PARD3B: variants seen among roughly 807,000 people sequenced by gnomAD.
PARD3B encodes par-3 family cell polarity regulator beta, also known as partitioning defective 3 homolog B.
A neutral mutation model predicts 130.2 loss-of-function variants in PARD3B; 103 were observed. That is an observed-to-expected ratio of 0.79 (90% CI 0.67 to 0.93). The LOEUF (loss-of-function observed/expected upper bound fraction) is 0.93, where lower values mean the gene tolerates loss of function less well. Among genes scored for constraint, PARD3B ranks in the 40% least tolerant of loss-of-function variants. The pLI is 0.00. For missense variants in PARD3B, 1,609 were observed against 1,499.2 expected (o/e 1.07, Z -1.21); for synonymous variants, 583 against 553.2 (o/e 1.05, Z -0.76).
rs1251064061 is a variant in PARD3B at position 205,078,812 on chromosome 2, T to C, written c.505-25614T>C. On this transcript the variant is annotated intron_variant, in intron 4 of 22. Coordinates refer to ENST00000406610, the MANE Select transcript of PARD3B (RefSeq NM_001302769.2). The surrounding 1 kb of genome is among the most constrained non-coding windows in gnomAD (Gnocchi z 4.0). The stretch of plus-strand genomic sequence containing the variant: ...GGCATTTGCTCTGGGACAAGCCAGA[T>C]GCCATGTAAGAAAGTCCATTTCTCT... 1.3e-5 allele frequency among the ~76,000 whole-genome samples: 2 copies of C among 152,244 alleles called. No individual in the cohort carries two copies. The highest frequency in any genetic ancestry group is 3.9e-4 in the East Asian group (2 of 5,194).
intron 2 of PARD3B, among the ~76,000 whole-genome samples, chr2:204,725,265 G>A (rs549509229): frequency 1.3e-5 from 2 of 152,176 alleles, no homozygotes; most frequent in Non-Finnish European, 2.9e-5. Flanking sequence ...GAGAATGTTA[G>A]AGAATAAGAT....
At chr2:205,570,457 G>T (rs2053522225) in intron 22 of PARD3B, among the ~76,000 whole-genome samples, 1 of 152,304 alleles carries the variant, frequency 6.6e-6, no homozygotes, top group South Asian at 2.1e-4. Context: ...CCATACAGTA[G>T]TTTATTGTGT....
intron 2 of PARD3B, among the ~76,000 whole-genome samples, chr2:204,855,397 C>A (rs1434069375): frequency 1.3e-5 from 2 of 151,818 alleles, no homozygotes; most frequent in African/African-American, 4.8e-5. Flanking sequence ...CAAAAATTAG[C>A]TGGGTGTGGT....
chr2:204,930,478 A>G (rs74964061), intron 2 of PARD3B, among the ~76,000 whole-genome samples: 3,474 of 151,978 alleles, frequency 0.023, 55 homozygotes, highest in Non-Finnish European at 0.036. Flanking sequence ...TTGGTCTGCA[A>G]TTGGTTGAAT....
chr2:205,157,261 T>G (rs1268318591), intron 10 of PARD3B, among the ~76,000 whole-genome samples: 1 of 152,200 alleles, frequency 6.6e-6, no homozygotes, highest in Admixed American at 6.5e-5. Flanking sequence ...TAGTTTACAT[T>G]TAGTACGAAA....
At position 205,615,473 on chromosome 2, in the gene PARD3B, C is replaced by T. The variant is rs200703600; in HGVS notation, c.3278C>T (p.Pro1093Leu). 367 of 1,607,694 alleles carry T rather than the reference C, an allele frequency of 2.3e-4. 1 individual carries two copies. The highest frequency in any genetic ancestry group is 3.4e-4 in the Admixed American group (20 of 59,436). ...CTTTCCAGGGGAGGACCCGCAGATC[C>T]TGTAGACTATCTGCCAGCAGCACCT... ...ASLPRGGPAD[P>L]VDYLPAAPRG... Residue 1093 changes from proline (P) to leucine (L), a missense_variant, in exon 23 of 23, where the codon CCT (proline) becomes CTT (leucine). Pro to Leu is a moderately conservative substitution (Grantham distance 98). Transcript: ENST00000406610.
At chr2:204,971,744 G>C (rs1282241381) in intron 3 of PARD3B, among the ~76,000 whole-genome samples, 1 of 151,716 alleles carries the variant, frequency 6.6e-6, no homozygotes, top group East Asian at 1.9e-4. Flanking sequence ...TTGCTTTCTG[G>C]TGTGACTATA....
Position 205,015,819 on chromosome 2 carries a change from T to C in PARD3B, c.395-31762T>C, listed in dbSNP as rs1206800466. On this transcript the variant is annotated intron_variant, in intron 3 of 22. Transcript: ENST00000406610. The surrounding 1 kb of genome is among the most constrained non-coding windows in gnomAD (Gnocchi z 4.5). ...TGGCACACAGCTGTTCAATGAGTTATGAGTGAATGAATGAAAGAATGGGTT... is the reference window on the plus strand; with the variant it reads ...TGGCACACAGCTGTTCAATGAGTTACGAGTGAATGAATGAAAGAATGGGTT... Among the ~76,000 whole-genome samples the C allele has an allele frequency of 3.3e-5, 5 of 152,190 alleles. No homozygotes were observed. Among genetic ancestry groups the C allele is most frequent in the African/African-American group, 9.6e-5 (4 of 41,454 alleles).
intron 2 of PARD3B, among the ~76,000 whole-genome samples, chr2:204,852,939 T>C (rs543971475): frequency 6.6e-6 from 1 of 152,272 alleles, no homozygotes; most frequent in African/African-American, 2.4e-5. Context: ...GGTCCTAAGT[T>C]ATTATATGGT....
chr2:205,383,130 AGATAGATAGATC>A (rs79378506), intron 18 of PARD3B, among the ~76,000 whole-genome samples: 2,318 of 146,042 alleles, frequency 0.016, 46 homozygotes, highest in African/African-American at 0.024. Context: ...ATAGATAGAT[AGATAGATAGATC>A]GATCTAAACT....
At chr2:205,271,875 C>G (rs1420311165) in intron 16 of PARD3B, among the ~76,000 whole-genome samples, 1 of 152,076 alleles carries the variant, frequency 6.6e-6, no homozygotes, top group African/African-American at 2.4e-5. Flanking sequence ...GAAAGATGCT[C>G]GGCTGGGTGC....
intron 22 of PARD3B, among the ~76,000 whole-genome samples, chr2:205,557,342 C>A: frequency 6.6e-6 from 1 of 152,192 alleles, no homozygotes; most frequent in East Asian, 1.9e-4. Context: ...CCTTTCTACT[C>A]CCGTTAAGTT....
Position 204,675,230 on chromosome 2 carries a change from C to T in PARD3B, c.121-10951C>T, listed in dbSNP as rs532529164. ...CAATATTATTAAATTAGTAATGGTT[C>T]AGTGTTTTACGTCTTTCATACTGAG... On this transcript the variant is annotated intron_variant, in intron 1 of 22. Coordinates refer to ENST00000406610, the MANE Select transcript of PARD3B (RefSeq NM_001302769.2). The surrounding 1 kb of genome is among the most constrained non-coding windows in gnomAD (Gnocchi z 4.4). Among the ~76,000 whole-genome samples, 1 of 152,152 alleles carries T rather than the reference C, an allele frequency of 6.6e-6. No homozygotes were observed. The highest frequency in any genetic ancestry group is 2.1e-4 in the South Asian group (1 of 4,820).
At chr2:205,297,462 A>G (rs1275556671) in intron 16 of PARD3B, among the ~76,000 whole-genome samples, 4 of 152,182 alleles carry the variant, frequency 2.6e-5, no homozygotes, top group Admixed American at 1.3e-4. Context: ...AGGGTATTTT[A>G]TTCCAAGTGT....
At chr2:204,983,871 CTA>C (rs1323815436) in intron 3 of PARD3B, among the ~76,000 whole-genome samples, 1 of 152,182 alleles carries the variant, frequency 6.6e-6, no homozygotes, top group Non-Finnish European at 1.5e-5. Flanking sequence ...GTAACTGACT[CTA>C]ACCCCTTCTT....
At chr2:204,712,263 T>C (rs2038478787) in intron 2 of PARD3B, among the ~76,000 whole-genome samples, 1 of 152,198 alleles carries the variant, frequency 6.6e-6, no homozygotes, top group South Asian at 2.1e-4. Context: ...GTTAGGACTT[T>C]ACTGCTTCAT....
chr2:204,585,775 A>G (rs989155066), intron 1 of PARD3B, among the ~76,000 whole-genome samples: 7 of 152,000 alleles, frequency 4.6e-5, no homozygotes, highest in Non-Finnish European at 1.0e-4. Context: ...CTCCCATTCA[A>G]CATGTTTACA....
intron 16 of PARD3B, among the ~76,000 whole-genome samples, chr2:205,266,231 T>C (rs1054626462): frequency 1.4e-4 from 22 of 152,092 alleles, no homozygotes; most frequent in Non-Finnish European, 2.9e-4. Context: ...AAAGCTGAAA[T>C]GGAATTTGGC....
intron 2 of PARD3B, among the ~76,000 whole-genome samples, chr2:204,706,880 A>G (rs944102298): frequency 6.6e-6 from 1 of 152,192 alleles, no homozygotes; most frequent in Non-Finnish European, 1.5e-5. Flanking sequence ...TGGTGAAATA[A>G]TGATGATAAA....
Sources: gnomAD v4.1 joint callset for allele counts (sites outside exome capture counted in the v4.1 genomes callset) on GRCh38, gnomAD v4.1.1 for gene constraint, Gnocchi (gnomAD v3.1) non-coding constraint, MANE v1.5 for transcripts, NCBI Gene and HGNC (gene_info 2026-07-23, HGNC 2026-07-21) for gene names.